ATP11B: variants seen among roughly 807,000 people sequenced by gnomAD.
ATP11B encodes ATPase phospholipid transporting 11B (putative).
Under a neutral mutation model 157.8 loss-of-function variants are expected in ATP11B, and 81 were observed. The ratio of observed to expected loss-of-function variants is 0.51; its 90% CI spans 0.43 to 0.62. The LOEUF (loss-of-function observed/expected upper bound fraction) is 0.62, where lower values mean the gene tolerates loss of function less well. Ranked by LOEUF, ATP11B falls within the 20% of genes least tolerant of loss-of-function variation. The probability of loss-of-function intolerance (pLI) is 0.00; values close to 1 mark genes in which losing one functional copy is unlikely to be tolerated. For synonymous variants in ATP11B, 451 were observed against 469.4 expected (o/e 0.96, Z 0.51); for missense variants, 1,165 against 1,402.2 (o/e 0.83, Z 2.70).
chr3:182,828,287 G>A (rs901239165), intron 3 of ATP11B, 78 bp downstream of exon 3: 2 of 689,840 alleles, frequency 2.9e-6, no homozygotes, highest in African/African-American at 1.8e-5. Flanking sequence ...AAATTACATT[G>A]TGTTGCTAAT....
intron 1 of ATP11B, among the ~76,000 whole-genome samples, chr3:182,802,462 C>A (rs1338877194): frequency 6.6e-6 from 1 of 152,150 alleles, no homozygotes; most frequent in Non-Finnish European, 1.5e-5. Context: ...TTCTCATCCT[C>A]CATCACTATT....
intron 4 of ATP11B, among the ~76,000 whole-genome samples, chr3:182,832,436 T>C (rs1718222716): frequency 6.6e-6 from 1 of 152,224 alleles, no homozygotes; most frequent in African/African-American, 2.4e-5. Context: ...TAACTTTTTC[T>C]CATTTAAATA....
chr3:182,888,768 A>C (rs1366995374), intron 24 of ATP11B, among the ~76,000 whole-genome samples: 4 of 151,942 alleles, frequency 2.6e-5, no homozygotes, highest in African/African-American at 4.8e-5. Flanking sequence ...GGCTGGCTTC[A>C]AACTCCTAGT....
chr3:182,901,133 A>G (rs1227293881), intron 28 of ATP11B, among the ~76,000 whole-genome samples: 3 of 152,096 alleles, frequency 2.0e-5, no homozygotes, highest in Non-Finnish European at 2.9e-5. Context: ...AGATGGCGCC[A>G]CTGCACTCCA....
chr3:182,908,410 G>C (rs1024374144), intron 28 of ATP11B: 1 of 151,818 alleles, frequency 6.6e-6, no homozygotes, highest in Non-Finnish European at 1.5e-5. Context: ...TGGCCAGGCT[G>C]TTCTCAAACT....
intron 28 of ATP11B, among the ~76,000 whole-genome samples, 200 bp from the exon 29 acceptor site, chr3:182,913,661 T>G (rs1422642332): frequency 6.6e-6 from 1 of 152,220 alleles, no homozygotes; most frequent in South Asian, 2.1e-4. Context: ...GACCTCTAAT[T>G]TAGGATACAA....
chr3:182,818,723 T>G (rs1717121255), intron 1 of ATP11B, among the ~76,000 whole-genome samples: 1 of 152,206 alleles, frequency 6.6e-6, no homozygotes, highest in South Asian at 2.1e-4. Context: ...TATCTGTGTA[T>G]GTCTGTGCTT....
At chr3:182,820,433 C>T in intron 2 of ATP11B, 57 bp downstream of exon 2, 1 of 1,232,480 alleles carries the variant, frequency 8.1e-7, no homozygotes, top group Non-Finnish European at 1.2e-6. Flanking sequence ...CCCATCATCC[C>T]AGCACTTTGG....
Position 182,897,554 on chromosome 3 carries a change from A to G in ATP11B, c.3152+148A>G, listed in dbSNP as rs1252967120. On this transcript the variant is annotated intron_variant, in intron 27 of 29. Coordinates refer to ENST00000323116, the MANE Select transcript of ATP11B (RefSeq NM_014616.3). ...TTCAGTTGATCTTACTGATATGGAGAGGAAAAAACTAACATTTATTGAATA... is the reference window on the plus strand; with the variant it reads ...TTCAGTTGATCTTACTGATATGGAGGGGAAAAAACTAACATTTATTGAATA... 6 of 494,496 alleles carry G rather than the reference A, an allele frequency of 1.2e-5. No homozygotes were observed. The Admixed American group carries it at 2.5e-4, about 20-fold the overall frequency. The allele number at this position is 494,496 out of a possible 1,614,324, so 30.6% of individuals were successfully genotyped here.
chr3:182,867,492 A>G (rs760177339), intron 15 of ATP11B, 48 bp downstream of exon 15: 6 of 1,277,776 alleles, frequency 4.7e-6, no homozygotes, highest in East Asian at 2.4e-5. Flanking sequence ...AAGTGTATAT[A>G]GTATAGAATA....
chr3:182,799,249 G>A (rs1174021791), intron 1 of ATP11B, among the ~76,000 whole-genome samples: 1 of 151,370 alleles, frequency 6.6e-6, no homozygotes, highest in Non-Finnish European at 1.5e-5. Flanking sequence ...TTTTGTTTCT[G>A]CAGTTGTCTG....
chr3:182,795,926 T>C (rs10937101), intron 1 of ATP11B, among the ~76,000 whole-genome samples: 1 of 152,006 alleles, frequency 6.6e-6, no homozygotes, highest in Non-Finnish European at 1.5e-5. Context: ...AGGACAAATT[T>C]GGGGAAATTG....
intron 7 of ATP11B, 101 bp from the exon 8 acceptor site, chr3:182,841,974 T>C (rs1262311321): frequency 3.6e-6 from 2 of 562,612 alleles, no homozygotes; most frequent in Non-Finnish European, 5.7e-6. Context: ...GCAAGACTCG[T>C]CTCAAAAAAA....
At chr3:182,826,537 A>G (rs377512632) in intron 2 of ATP11B, among the ~76,000 whole-genome samples, 24 of 152,184 alleles carry the variant, frequency 1.6e-4, no homozygotes, top group Admixed American at 9.2e-4. Flanking sequence ...TCATGTGTAT[A>G]CATTGAACAT....
intron 12 of ATP11B, among the ~76,000 whole-genome samples, chr3:182,860,260 A>T (rs1221783797): frequency 6.6e-6 from 1 of 152,188 alleles, no homozygotes; most frequent in Non-Finnish European, 1.5e-5. Context: ...TTCACACTTG[A>T]TTAATAATTT....
chr3:182,914,363 T>C lies in ATP11B; in HGVS notation c.3452+369T>C, dbSNP rs1301599423. ...CCTTTTTATTTTTTTAAAATTTTTT[T>C]GCTTTTTGTCTTTACAAAATAATCT... On this transcript the variant is annotated intron_variant, in intron 29 of 29. Coordinates refer to ENST00000323116, the MANE Select transcript of ATP11B (RefSeq NM_014616.3). The C allele has an allele frequency of 5.1e-6, 5 of 982,640 alleles. No homozygotes were observed. The East Asian group carries it at 4.5e-4, about 88-fold the overall frequency. 60.9% of individuals were successfully genotyped at this position (982,640 alleles called of 1,614,324 possible). A position where few individuals can be genotyped will look rare whatever the true frequency, so the allele number is the denominator to read the frequency against.
intron 27 of ATP11B, 33 bp from the exon 28 acceptor site, chr3:182,898,574 C>T: frequency 3.2e-6 from 5 of 1,545,416 alleles, no homozygotes; most frequent in Non-Finnish European, 4.4e-6. Flanking sequence ...TTTCAGTTTC[C>T]ACTTTTATTA....
At chr3:182,845,548 A>G in intron 9 of ATP11B, 26 bp downstream of exon 9, 3 of 1,513,294 alleles carry the variant, frequency 2.0e-6, no homozygotes, top group Non-Finnish European at 2.7e-6. Context: ...AACATTTTAA[A>G]TTATTGATTT....
chr3:182,918,376 C>CT lies in ATP11B; in HGVS notation c.*273dup, dbSNP rs1488961362. The CT allele has an allele frequency of 2.0e-5, 8 of 409,236 alleles. No homozygotes were observed. The highest frequency in any genetic ancestry group is 2.6e-5 in the Non-Finnish European group (6 of 233,714). 25.4% of individuals were successfully genotyped at this position (409,236 alleles called of 1,614,324 possible). A position where few individuals can be genotyped will look rare whatever the true frequency, so the allele number is the denominator to read the frequency against. ...TTTGTCCCTTGTGCTTATGGGACTC[C>CT]TAATGGCATTTCAGTCTGTTGCTGA... On this transcript the variant is annotated 3_prime_UTR_variant, in exon 30 of 30. Coordinates refer to ENST00000323116, the MANE Select transcript of ATP11B (RefSeq NM_014616.3).
Sources: allele counts gnomAD v4.1 joint callset (sites outside exome capture counted in the v4.1 genomes callset), GRCh38; gene constraint gnomAD v4.1.1; transcripts MANE v1.5; gene names NCBI Gene and HGNC (gene_info 2026-07-23, HGNC 2026-07-21).